Variants in GLYATL2 observed in about 807,000 individuals in gnomAD.
GLYATL2 encodes glycine-N-acyltransferase like 2, also known as glycine N-acyltransferase-like protein 2.
GLYATL2 carries 25 observed loss-of-function variants against 21.4 expected under a neutral mutation model. The ratio of observed to expected loss-of-function variants is 1.17; its 90% CI spans 0.85 to 1.63. The LOEUF is 1.63. Among genes scored for constraint, GLYATL2 ranks in the 40% most tolerant of loss-of-function variants. The pLI, the probability that GLYATL2 is intolerant of heterozygous loss-of-function variation, is 0.00. For synonymous variants in GLYATL2, 114 were observed against 118.2 expected (o/e 0.96, Z 0.23); for missense variants, 361 against 343.3 (o/e 1.05, Z -0.41).
intron 1 of GLYATL2, chr11:58,893,132 G>T: frequency 2.5e-6 from 1 of 403,954 alleles, no homozygotes; most frequent in Non-Finnish European, 4.7e-6. Flanking sequence ...AATGAGAGGA[G>T]CCTTCCTTAC....
At chr11:58,882,270 A>G (rs540300936) in intron 1 of GLYATL2, among the ~76,000 whole-genome samples, 124 of 152,206 alleles carry the variant, frequency 8.1e-4, no homozygotes, top group African/African-American at 2.7e-3. Flanking sequence ...AATGATCACC[A>G]TTCTAACTGG....
intron 1 of GLYATL2, among the ~76,000 whole-genome samples, chr11:58,896,423 G>T (rs903967455): frequency 6.6e-6 from 1 of 152,120 alleles, no homozygotes; most frequent in African/African-American, 2.4e-5. Flanking sequence ...TCATTCTTTT[G>T]CCTATTAAAC....
chr11:58,848,951 A>C (rs1197693338), upstream of GLYATL2, among the ~76,000 whole-genome samples: 3 of 152,226 alleles, frequency 2.0e-5, no homozygotes, highest in Non-Finnish European at 4.4e-5. Context: ...AAAAGCAGCA[A>C]GAGAAAAGAA....
At chr11:58,872,111 C>G (rs1049991095) in intron 1 of GLYATL2, among the ~76,000 whole-genome samples, 1 of 152,154 alleles carries the variant, frequency 6.6e-6, no homozygotes. Context: ...ATATCCTTCA[C>G]CCATTTTTTG....
At chr11:58,842,187 C>T (rs1853565042) in intron 1 of GLYATL2, among the ~76,000 whole-genome samples, 1 of 152,026 alleles carries the variant, frequency 6.6e-6, no homozygotes, top group Admixed American at 6.6e-5. Flanking sequence ...TTCATGTAAT[C>T]GTCAATGATA....
chr11:58,868,301 A>G (rs981910673), intron 1 of GLYATL2, among the ~76,000 whole-genome samples: 16 of 148,762 alleles, frequency 1.1e-4, no homozygotes, highest in African/African-American at 3.9e-4. Flanking sequence ...TTAGTAAAGG[A>G]GCCATAGGTA....
At chr11:58,841,008 A>G (rs1853541017) in intron 1 of GLYATL2, among the ~76,000 whole-genome samples, 1 of 151,942 alleles carries the variant, frequency 6.6e-6, no homozygotes, top group Non-Finnish European at 1.5e-5. Flanking sequence ...ATAAATATGA[A>G]CTTTTGAACT....
chr11:58,871,291 A>T (rs1048154190), intron 1 of GLYATL2, among the ~76,000 whole-genome samples: 1 of 151,478 alleles, frequency 6.6e-6, no homozygotes, highest in Non-Finnish European at 1.5e-5. Flanking sequence ...TTATTTATTT[A>T]TTATTATTAT....
upstream of GLYATL2, chr11:58,907,379 G>A (rs1310740954): frequency 2.2e-6 from 1 of 456,164 alleles, no homozygotes; most frequent in Non-Finnish European, 4.4e-6. Context: ...ACGGTAGTCT[G>A]CTGGAGTGGA....
intron 1 of GLYATL2, among the ~76,000 whole-genome samples, chr11:58,899,411 T>TA (rs1251552249): frequency 6.6e-6 from 1 of 151,492 alleles, no homozygotes; most frequent in Non-Finnish European, 1.5e-5. Context: ...AACCAAAAAT[T>TA]AAAAAAACAA....
Position 58,834,492 on chromosome 11 carries a change from C to A in GLYATL2, c.822G>T (p.Leu274Phe), listed in dbSNP as rs1346137497. Residue 274 changes from leucine (L) to phenylalanine (F), a missense_variant, in exon 6 of 6, where the codon TTG (leucine) becomes TTT (phenylalanine). Coordinates refer to ENST00000287275, the MANE Select transcript of GLYATL2 (RefSeq NM_145016.4). ...AGCCACAAGGACAAATCTTAAACCC[C>A]AAATTGTTCAGTGCCTGTAGGCTTT... ...NEKSLQALNN[L>F]GFKICPCGWH... The A allele has an allele frequency of 1.9e-6, 3 of 1,612,612 alleles. No individual in the cohort carries two copies. Among genetic ancestry groups the A allele is most frequent in the Admixed American group, 1.7e-5 (1 of 59,736 alleles).
intron 1 of GLYATL2, among the ~76,000 whole-genome samples, chr11:58,883,194 A>G (rs1300922439): frequency 6.6e-6 from 1 of 152,208 alleles, no homozygotes; most frequent in Non-Finnish European, 1.5e-5. Flanking sequence ...TGAGCATGGA[A>G]TGTTCTTCCA....
intron 5 of GLYATL2, among the ~76,000 whole-genome samples, chr11:58,836,389 A>G (rs1345828034): frequency 1.1e-4 from 16 of 152,212 alleles, no homozygotes; most frequent in Admixed American, 1.0e-3. Flanking sequence ...TTCATAAGTT[A>G]TGATATCACA....
chr11:58,895,538 G>C (rs1327141565), intron 1 of GLYATL2, among the ~76,000 whole-genome samples: 1 of 152,112 alleles, frequency 6.6e-6, no homozygotes, highest in South Asian at 2.1e-4. Flanking sequence ...TGCAATCTCA[G>C]AGTGCTGGCA....
chr11:58,904,044 T>C (rs1854794445), intron 1 of GLYATL2: 1 of 152,234 alleles, frequency 6.6e-6, no homozygotes, highest in Non-Finnish European at 1.5e-5. Context: ...AGAATCATAT[T>C]GAGCTCTCTT....
chr11:58,853,078 C>T (rs1853768954), intron 1 of GLYATL2, among the ~76,000 whole-genome samples: 1 of 152,082 alleles, frequency 6.6e-6, no homozygotes, highest in African/African-American at 2.4e-5. Flanking sequence ...ATAGTTTTAC[C>T]ACTGCCATTT....
chr11:58,877,298 C>A (rs888315661), intron 1 of GLYATL2, among the ~76,000 whole-genome samples: 6 of 152,218 alleles, frequency 3.9e-5, no homozygotes, highest in African/African-American at 1.4e-4. Context: ...CGCTATACAG[C>A]ACTCCCCAGT....
At position 58,849,875 on chromosome 11, in the gene GLYATL2, C is replaced by T. The variant is rs186271717; in HGVS notation, n.61-11507G>A. Among the ~76,000 whole-genome samples, 210 of 152,030 alleles carry T rather than the reference C, an allele frequency of 1.4e-3. 1 individual carries two copies. Among genetic ancestry groups the T allele is most frequent in the Admixed American group, 2.9e-3 (44 of 15,280 alleles). ...GGGTGCAGCAAACTACCATAGCTCG[C>T]TTATACCTATGGAACAAAGCTGCAC... On this transcript the variant is annotated intron_variant and non_coding_transcript_variant, in intron 1 of 4. Transcript: ENST00000533636.
upstream of GLYATL2, among the ~76,000 whole-genome samples, chr11:58,849,261 T>C (rs1234979894): frequency 6.6e-6 from 1 of 152,070 alleles, no homozygotes; most frequent in Non-Finnish European, 1.5e-5. Context: ...AACTCACAGG[T>C]AATAATAAGT....
Sources: allele counts gnomAD v4.1 joint callset (sites outside exome capture counted in the v4.1 genomes callset), GRCh38; gene constraint gnomAD v4.1.1; transcripts MANE v1.5; gene names NCBI Gene and HGNC (gene_info 2026-07-23, HGNC 2026-07-21).